The following PGAP1 variants were observed in gnomAD, a reference collection of about 807,000 sequenced individuals.
PGAP1 encodes GPI inositol-deacylase.
In PGAP1, 76 loss-of-function variants were observed where a neutral mutation model predicts 127.0. The ratio of observed to expected loss-of-function variants is 0.60; its 90% CI spans 0.50 to 0.72. The LOEUF (loss-of-function observed/expected upper bound fraction) is 0.72, where lower values mean the gene tolerates loss of function less well. Ranked by LOEUF, PGAP1 falls within the 30% of genes least tolerant of loss-of-function variation. The pLI, the probability that PGAP1 is intolerant of heterozygous loss-of-function variation, is 0.00. For synonymous variants in PGAP1, 362 were observed against 366.5 expected (o/e 0.99, Z 0.14); for missense variants, 982 against 1,071.3 (o/e 0.92, Z 1.16).
chr2:196,891,020 C>G (rs571209404), intron 9 of PGAP1, 109 bp from the exon 10 acceptor site: 1 of 607,894 alleles, frequency 1.6e-6, no homozygotes, highest in African/African-American at 1.8e-5. Flanking sequence ...TATCATTCTT[C>G]TTGTTGTTGA....
chr2:196,901,244 A>T (rs1702478172), intron 5 of PGAP1, among the ~76,000 whole-genome samples: 1 of 152,252 alleles, frequency 6.6e-6, no homozygotes, highest in South Asian at 2.1e-4. Flanking sequence ...ATGAGGTTTG[A>T]TAGTTTTACT....
chr2:196,917,337 A>G (rs1232625083), intron 2 of PGAP1, among the ~76,000 whole-genome samples: 1 of 152,250 alleles, frequency 6.6e-6, no homozygotes, highest in Non-Finnish European at 1.5e-5. Context: ...TAGATACATT[A>G]TAATCCACAT....
chr2:196,889,990 A>G (rs930412852), intron 10 of PGAP1, among the ~76,000 whole-genome samples: 2 of 151,700 alleles, frequency 1.3e-5, no homozygotes, highest in African/African-American at 4.8e-5. Context: ...CTGGAGCGCT[A>G]GTGGCGTGAT....
At chr2:196,911,463 G>A (rs1291332235) in intron 4 of PGAP1, among the ~76,000 whole-genome samples, 1 of 82,612 alleles carries the variant, frequency 1.2e-5, no homozygotes, top group African/African-American at 4.8e-5. Flanking sequence ...TGGTGGGGTC[G>A]GGGGAGGGGG....
chr2:196,897,251 G>C, intron 6 of PGAP1, 54 bp from the exon 7 acceptor site: 1 of 1,099,870 alleles, frequency 9.1e-7, no homozygotes. Context: ...ATATACTTTT[G>C]ATCAAAATAT....
At chr2:196,911,932 C>T (rs1233367842) in intron 4 of PGAP1, among the ~76,000 whole-genome samples, 1 of 152,154 alleles carries the variant, frequency 6.6e-6, no homozygotes, top group Non-Finnish European at 1.5e-5. Context: ...AATTAAGAGG[C>T]AGTACAGCAT....
In PGAP1 at chr2:196,833,528, A is replaced by G. The variant is rs1203369893; in HGVS notation, c.*7706T>C. 6.6e-6 allele frequency: 1 copy of G among 152,174 alleles called. No homozygotes were observed. Among genetic ancestry groups the G allele is most frequent in the Non-Finnish European group, 1.5e-5 (1 of 68,008 alleles). 9.4% of individuals were successfully genotyped at this position (152,174 alleles called of 1,614,324 possible). A position where few individuals can be genotyped will look rare whatever the true frequency, so the allele number is the denominator to read the frequency against. ...TGTCCTCTATAAATTTTTTAACTAT[A>G]GTATAAAAATTGATGCAGGTTGAGA... On this transcript the variant is annotated 3_prime_UTR_variant, in exon 27 of 27. Coordinates refer to ENST00000354764, the MANE Select transcript of PGAP1 (RefSeq NM_024989.4).
Position 196,834,147 on chromosome 2 carries a change from T to C in PGAP1, c.*7087A>G, listed in dbSNP as rs1700173059. ...AAAAATTACATTTGAAGATTAGTTT[T>C]TCCAAGTGTGGTAAGTTCAGAACAA... On this transcript the variant is annotated 3_prime_UTR_variant, in exon 27 of 27. Coordinates refer to ENST00000354764, the MANE Select transcript of PGAP1 (RefSeq NM_024989.4). 1 of 152,022 alleles carries C rather than the reference T, an allele frequency of 6.6e-6. No individual in the cohort carries two copies. The highest frequency in any genetic ancestry group is 2.1e-4 in the South Asian group (1 of 4,828). 9.4% of individuals were successfully genotyped at this position (152,022 alleles called of 1,614,324 possible).
At chr2:196,886,169 T>C (rs1472055814) in intron 10 of PGAP1, among the ~76,000 whole-genome samples, 1 of 148,752 alleles carries the variant, frequency 6.7e-6, no homozygotes, top group African/African-American at 2.5e-5. Flanking sequence ...TTTTTTTTTT[T>C]TTTTTTTTTG....
Position 196,926,459 on chromosome 2 carries a change from C to T in PGAP1, c.147+11G>A, listed in dbSNP as rs746198231. 9 of 1,613,534 alleles carry T rather than the reference C, an allele frequency of 5.6e-6. No homozygotes were observed. Among genetic ancestry groups the T allele is most frequent in the South Asian group, 5.5e-5 (5 of 91,078 alleles). ...TTGGAGCGCCCGGCTGAGGAGAGGG[C>T]AGAACCTTACCTGATACTCCGGGTA... On this transcript the variant is annotated intron_variant, in intron 1 of 26. Coordinates refer to ENST00000354764, the MANE Select transcript of PGAP1 (RefSeq NM_024989.4).
intron 2 of PGAP1, among the ~76,000 whole-genome samples, chr2:196,919,359 AC>A (rs1347864107): frequency 6.6e-6 from 1 of 152,206 alleles, no homozygotes; most frequent in Non-Finnish European, 1.5e-5. Context: ...AAATAATTGC[AC>A]ATGTTGAAAC....
In PGAP1 at chr2:196,849,519, C is replaced by T. The variant is rs575689886; in HGVS notation, c.1862-1482G>A. Among the ~76,000 whole-genome samples, 6 of 151,946 alleles carry T rather than the reference C, an allele frequency of 3.9e-5. 1 individual carries two copies. Among genetic ancestry groups the T allele is most frequent in the African/African-American group, 1.4e-4 (6 of 41,428 alleles). Reference sequence around the variant, plus strand: ...TGGATCTCCCGACCTCGTGATCCACCCGCCTCAGTCTCCCAAAGTGTTGGG... The same window carrying T: ...TGGATCTCCCGACCTCGTGATCCACTCGCCTCAGTCTCCCAAAGTGTTGGG... On this transcript the variant is annotated intron_variant, in intron 20 of 26. Transcript: ENST00000354764.
At chr2:196,917,990 A>G (rs1466110411) in intron 2 of PGAP1, among the ~76,000 whole-genome samples, 2 of 152,100 alleles carry the variant, frequency 1.3e-5, no homozygotes, top group African/African-American at 4.8e-5. Flanking sequence ...ATCTTCACCA[A>G]CACTTGTTGT....
At chr2:196,876,842 G>A (rs1013659445) in intron 13 of PGAP1, among the ~76,000 whole-genome samples, 29 of 151,764 alleles carry the variant, frequency 1.9e-4, no homozygotes, top group Non-Finnish European at 3.7e-4. Flanking sequence ...TACACTTGGG[G>A]GAATAAAAGA....
At chr2:196,921,898 G>C (rs1373302171) in intron 1 of PGAP1, among the ~76,000 whole-genome samples, 1 of 152,096 alleles carries the variant, frequency 6.6e-6, no homozygotes, top group South Asian at 2.1e-4. Context: ...CAAGTTGAAA[G>C]GGAATAGCAA....
intron 22 of PGAP1, 133 bp from the exon 23 acceptor site, chr2:196,846,150 AT>A: frequency 4.2e-6 from 2 of 472,972 alleles, no homozygotes; most frequent in Non-Finnish European, 3.5e-6. Flanking sequence ...ACAACAAGGT[AT>A]TTTTTAAATA....
chr2:196,860,493 C>T (rs1390773116), intron 20 of PGAP1, among the ~76,000 whole-genome samples: 1 of 152,080 alleles, frequency 6.6e-6, no homozygotes, highest in Non-Finnish European at 1.5e-5. Context: ...GAGATCATGC[C>T]ATTGCACTCC....
intron 12 of PGAP1, among the ~76,000 whole-genome samples, chr2:196,884,948 T>A (rs936294368): frequency 6.6e-6 from 1 of 152,154 alleles, no homozygotes; most frequent in Non-Finnish European, 1.5e-5. Context: ...ATTAAATAAA[T>A]CCCTGCTGTG....
Position 196,847,503 on chromosome 2 carries a change from A to G in PGAP1, c.1953-303T>C, listed in dbSNP as rs3795917. ...AAAGCCAAGTTAGTTGTAATGATGG[A>G]AAAAAAGATCTACATATTGATGCTT... is the stretch of plus-strand genomic sequence containing the variant. On this transcript the variant is annotated intron_variant, in intron 21 of 26. Coordinates refer to ENST00000354764, the MANE Select transcript of PGAP1 (RefSeq NM_024989.4). 0.084 allele frequency: 16,555 copies of G among 196,612 alleles called. 997 individuals are homozygous for G. Among genetic ancestry groups the G allele is most frequent in the African/African-American group, 0.17 (6,964 of 41,936 alleles). The allele number at this position is 196,612 out of a possible 1,614,324, so 12.2% of individuals were successfully genotyped here.
Sources: gnomAD v4.1 joint callset for allele counts (sites outside exome capture counted in the v4.1 genomes callset) on GRCh38, gnomAD v4.1.1 for gene constraint, MANE v1.5 for transcripts, NCBI Gene and HGNC (gene_info 2026-07-23, HGNC 2026-07-21) for gene names.